The following ZFPM2 variants were observed in gnomAD, a reference collection of about 807,000 sequenced individuals.
ZFPM2 encodes the protein zinc finger protein, FOG family member 2, also known as zinc finger protein ZFPM2.
In ZFPM2, 20 loss-of-function variants were observed where a neutral mutation model predicts 98.6. The ratio of observed to expected loss-of-function variants is 0.20; its 90% confidence interval spans 0.14 to 0.29. The LOEUF is 0.29. Among genes scored for constraint, ZFPM2 ranks in the 10% least tolerant of loss-of-function variants. ZFPM2 has a pLI of 1.00. For missense variants in ZFPM2, 1,310 were observed against 1,388.6 expected (o/e 0.94, Z 0.90); for synonymous variants, 518 against 502.7 (o/e 1.03, Z -0.41).
At chr8:105,390,112 A>G (rs529771713) in intron 1 of ZFPM2, among the ~76,000 whole-genome samples, 3 of 152,262 alleles carry the variant, frequency 2.0e-5, no homozygotes, top group South Asian at 2.1e-4. Flanking sequence ...TGACACTAAC[A>G]ACCTATAGTT....
intron 1 of ZFPM2, among the ~76,000 whole-genome samples, chr8:105,346,236 T>C (rs1812523868): frequency 6.6e-6 from 1 of 151,764 alleles, no homozygotes; most frequent in Non-Finnish European, 1.5e-5. Context: ...AATACAAAAT[T>C]AGCCGGGCGT....
At chr8:105,330,538 C>CTA (rs531060999) in intron 1 of ZFPM2, among the ~76,000 whole-genome samples, 11,784 of 97,012 alleles carry the variant, frequency 0.12, 1,220 homozygotes, top group South Asian at 0.16. Flanking sequence ...CTCTCTCTCT[C>CTA]TATATATATA....
intron 1 of ZFPM2, among the ~76,000 whole-genome samples, chr8:105,394,266 A>G (rs1236775567): frequency 6.6e-6 from 1 of 152,174 alleles, no homozygotes. Context: ...ATGGGAGCAA[A>G]TCAAACAGGG....
At chr8:105,429,701 C>CAAA (rs376633755) in intron 2 of ZFPM2, among the ~76,000 whole-genome samples, 587 of 128,424 alleles carry the variant, frequency 4.6e-3, no homozygotes, top group Middle Eastern at 0.022. Context: ...AAAGTGATAC[C>CAAA]AAAAAAAAAA....
intron 4 of ZFPM2, among the ~76,000 whole-genome samples, chr8:105,581,805 A>G (rs1815606890): frequency 6.6e-6 from 1 of 152,126 alleles, no homozygotes; most frequent in Non-Finnish European, 1.5e-5. Flanking sequence ...ACTCAAATTT[A>G]TTTAGACCCC....
At chr8:105,645,775 C>T (rs1160110425) in intron 5 of ZFPM2, among the ~76,000 whole-genome samples, 2 of 151,964 alleles carry the variant, frequency 1.3e-5, no homozygotes, top group Non-Finnish European at 2.9e-5. Context: ...GAGAAATGGC[C>T]GGGCATGGTG....
chr8:105,603,900 C>T (rs1428645080), intron 4 of ZFPM2, among the ~76,000 whole-genome samples: 1 of 151,996 alleles, frequency 6.6e-6, no homozygotes, highest in Non-Finnish European at 1.5e-5. Flanking sequence ...ACTGAATGCA[C>T]CTTCTGTTTT....
chr8:105,322,831 G>A (rs943275540), intron 1 of ZFPM2, among the ~76,000 whole-genome samples: 2 of 151,940 alleles, frequency 1.3e-5, no homozygotes, highest in African/African-American at 2.4e-5. Flanking sequence ...CCCAGAAGTT[G>A]GAATCCATTC....
intron 1 of ZFPM2, among the ~76,000 whole-genome samples, chr8:105,409,676 C>T (rs955231292): frequency 5.3e-5 from 8 of 151,892 alleles, no homozygotes; most frequent in African/African-American, 1.9e-4. Flanking sequence ...TATACTATTA[C>T]AAAGTGACTT....
intron 5 of ZFPM2, among the ~76,000 whole-genome samples, chr8:105,649,798 G>A (rs946518978): frequency 2.6e-5 from 4 of 152,094 alleles, no homozygotes; most frequent in African/African-American, 9.7e-5. Flanking sequence ...TTTTATTGAG[G>A]ATTTTTGCAT....
At position 105,802,450 on chromosome 8, in the gene ZFPM2, A is replaced by C. The variant is rs1405592101; in HGVS notation, c.2368A>C (p.Ile790Leu). Residue 790 changes from isoleucine (I) to leucine (L), a missense_variant, in exon 8 of 8, where the codon ATC becomes CTC. Physicochemically the swap from Ile to Leu is conservative, Grantham distance 5. Coordinates refer to ENST00000407775, the MANE Select transcript of ZFPM2 (RefSeq NM_012082.4). Reference sequence around the variant, plus strand: ...AGAGTGCTACCACCCAAGATGTGATATCTTTCCAGGAATTGTCTCTAAACA... The same window carrying C: ...AGAGTGCTACCACCCAAGATGTGATCTCTTTCCAGGAATTGTCTCTAAACA... ...LGECYHPRCD[I>L]FPGIVSKHLE... 1.2e-6 allele frequency: 2 copies of C among 1,613,730 alleles called. No individual in the cohort carries two copies. Among genetic ancestry groups the C allele is most frequent in the East Asian group, 2.2e-5 (1 of 44,846 alleles).
At chr8:105,790,856 A>AT (rs1813587879) in intron 6 of ZFPM2, among the ~76,000 whole-genome samples, 1 of 152,172 alleles carries the variant, frequency 6.6e-6, no homozygotes, top group Non-Finnish European at 1.5e-5. Flanking sequence ...CTTTGAAGCA[A>AT]TTGTGAATGG....
At chr8:105,667,562 A>G (rs1398522486) in intron 5 of ZFPM2, among the ~76,000 whole-genome samples, 2 of 152,222 alleles carry the variant, frequency 1.3e-5, no homozygotes, top group Admixed American at 1.3e-4. Context: ...GTGTAGTATC[A>G]AAGAATTCCC....
chr8:105,413,086 T>A (rs1811609393), intron 1 of ZFPM2, among the ~76,000 whole-genome samples: 1 of 151,888 alleles, frequency 6.6e-6, no homozygotes, highest in South Asian at 2.1e-4. Context: ...CAATACTAAT[T>A]GAACAAACAG....
rs116753191 is a variant in ZFPM2 at position 105,395,223 on chromosome 8, C to T, written c.41-23921C>T. On this transcript the variant is annotated intron_variant, in intron 1 of 7. Transcript: ENST00000407775. ...TATGTTTATGCTGCCTCCAATTTTG[C>T]ACTTTCTCTCAGTATTTCCTAAAGA... Among the ~76,000 whole-genome samples, 1,316 of 152,320 alleles carry T rather than the reference C, an allele frequency of 8.6e-3. 21 individuals carry two copies. The highest frequency in any genetic ancestry group is 0.03 in the African/African-American group (1,260 of 41,568).
At chr8:105,472,761 G>A (rs1001964296) in intron 3 of ZFPM2, among the ~76,000 whole-genome samples, 1 of 151,810 alleles carries the variant, frequency 6.6e-6, no homozygotes, top group African/African-American at 2.4e-5. Context: ...ACCCGCCTCG[G>A]CCTCTCAAAA....
At chr8:105,600,017 G>T (rs1816059033) in intron 4 of ZFPM2, among the ~76,000 whole-genome samples, 1 of 152,200 alleles carries the variant, frequency 6.6e-6, no homozygotes, top group Non-Finnish European at 1.5e-5. Flanking sequence ...TATCTTTTAT[G>T]TTGCAGGAAC....
intron 1 of ZFPM2, 70 bp downstream of exon 1, chr8:105,319,051 G>A (rs1488948777): frequency 1.4e-6 from 2 of 1,445,308 alleles, no homozygotes; most frequent in South Asian, 1.4e-5. Flanking sequence ...GGACGGGAAA[G>A]CGGTGGGTGG....
chr8:105,464,541 T>C (rs1812761664), intron 3 of ZFPM2, among the ~76,000 whole-genome samples: 1 of 151,918 alleles, frequency 6.6e-6, no homozygotes, highest in Admixed American at 6.6e-5. Context: ...AGTCAGGATG[T>C]GGGAGAATGC....
Sources: gnomAD v4.1 joint callset for allele counts (sites outside exome capture counted in the v4.1 genomes callset) on GRCh38, gnomAD v4.1.1 for gene constraint, MANE v1.5 for transcripts, NCBI Gene and HGNC (gene_info 2026-07-23, HGNC 2026-07-21) for gene names.